Variants in MRPS24 observed in about 807,000 individuals in gnomAD.
MRPS24 encodes small ribosomal subunit protein uS3m.
Under a neutral mutation model 21.8 loss-of-function variants are expected in MRPS24, and 15 were observed. The observed-to-expected ratio is 0.69, with a 90% CI of 0.46 to 1.06. MRPS24 has a LOEUF of 1.06. Ranked by LOEUF, MRPS24 falls within the 50% of genes least tolerant of loss-of-function variation. The pLI, the probability that MRPS24 is intolerant of heterozygous loss-of-function variation, is 0.00. For synonymous variants in MRPS24, 93 were observed against 93.7 expected (o/e 0.99, Z 0.04); for missense variants, 224 against 219.1 (o/e 1.02, Z -0.14).
At chr7:43,867,064 C>A in intron 3 of MRPS24, 82 bp from the exon 4 acceptor site, 3 of 1,455,410 alleles carry the variant, frequency 2.1e-6, no homozygotes, top group South Asian at 1.3e-5. Flanking sequence ...CATCCAAAAG[C>A]GCTGAGCACA....
chr7:43,869,113 A>T lies in MRPS24; in HGVS notation c.109-39T>A. The stretch of plus-strand genomic sequence containing the variant: ...GGGCCGTGACTCCACGAGATCCCCG[A>T]TCCAGACCCCTACTTCGCGCCATGT... On this transcript the variant is annotated intron_variant, in intron 2 of 3. Coordinates refer to ENST00000317534, the MANE Select transcript of MRPS24 (RefSeq NM_032014.3). This position sits in a 1 kb window ranked among gnomAD's most constrained non-coding sequence, Gnocchi z 4.8. 1 of 1,594,760 alleles carries T rather than the reference A, an allele frequency of 6.3e-7. No homozygotes were observed. Among genetic ancestry groups the T allele is most frequent in the Non-Finnish European group, 8.5e-7 (1 of 1,174,144 alleles).
intron 3 of MRPS24, chr7:43,868,524 T>C (rs1336466275): frequency 1.3e-5 from 2 of 154,412 alleles, no homozygotes; most frequent in East Asian, 3.8e-4. Context: ...GGGTTGTCTG[T>C]ATATATTTAC....
intron 3 of MRPS24, chr7:43,867,540 T>G (rs2095837388): frequency 1.1e-5 from 1 of 93,646 alleles, no homozygotes; most frequent in Non-Finnish European, 2.2e-5. Context: ...TTTTTTTTTT[T>G]TTTTTTTGAG....
chr7:43,869,258 C>A lies in MRPS24; in HGVS notation c.108+50G>T. The A allele has an allele frequency of 6.9e-7, 1 of 1,447,066 alleles. No homozygotes were observed. 89.6% of individuals were successfully genotyped at this position (1,447,066 alleles called of 1,614,324 possible). A position where few individuals can be genotyped will look rare whatever the true frequency, so the allele number is the denominator to read the frequency against. ...TCAGCCCGCACGGCTTCCCCGGCCCCCGGCCCCCCGGCCCCCAGGCCCCCA... is the reference window on the plus strand; with the variant it reads ...TCAGCCCGCACGGCTTCCCCGGCCCACGGCCCCCCGGCCCCCAGGCCCCCA... On this transcript the variant is annotated intron_variant, in intron 2 of 3. Coordinates refer to ENST00000317534, the MANE Select transcript of MRPS24 (RefSeq NM_032014.3). The surrounding 1 kb of genome is among the most constrained non-coding windows in gnomAD (Gnocchi z 4.8).
chr7:43,866,917 T>C lies in MRPS24; in HGVS notation c.286A>G (p.Met96Val), dbSNP rs531031859. The C allele has an allele frequency of 1.2e-6, 2 of 1,614,172 alleles. No homozygotes were observed. The highest frequency in any genetic ancestry group is 1.7e-6 in the Non-Finnish European group (2 of 1,180,018). ...TVEDVFLRKF[M>V]WGTFPGCLAD... ...AGGCAGCCTGGGAAGGTACCCCACA[T>C]GAACTTGCGAAGGAAAACATCCTCC... Residue 96 changes from methionine to valine, a missense_variant, in exon 4 of 4, where the codon ATG becomes GTG. Coordinates refer to ENST00000317534, the MANE Select transcript of MRPS24 (RefSeq NM_032014.3).
Position 43,869,115 on chromosome 7 carries a change from C to T in MRPS24, c.109-41G>A. The T allele has an allele frequency of 6.3e-7, 1 of 1,592,612 alleles. No homozygotes were observed. Among genetic ancestry groups the T allele is most frequent in the Non-Finnish European group, 8.5e-7 (1 of 1,173,270 alleles). The stretch of plus-strand genomic sequence containing the variant: ...GCCGTGACTCCACGAGATCCCCGAT[C>T]CAGACCCCTACTTCGCGCCATGTCC... On this transcript the variant is annotated intron_variant, in intron 2 of 3. Coordinates refer to ENST00000317534, the MANE Select transcript of MRPS24 (RefSeq NM_032014.3). The surrounding 1 kb of genome is among the most constrained non-coding windows in gnomAD (Gnocchi z 4.8).
intron 3 of MRPS24, chr7:43,868,633 G>C (rs1007946756): frequency 7.7e-6 from 2 of 258,342 alleles, no homozygotes; most frequent in African/African-American, 4.5e-5. Context: ...CCTTGACTCT[G>C]AGCTATTTTA....
At chr7:43,868,841 G>A (rs2095838458) in intron 3 of MRPS24, 122 bp downstream of exon 3, 4 of 1,252,536 alleles carry the variant, frequency 3.2e-6, no homozygotes, top group Admixed American at 2.5e-5. Flanking sequence ...CCTTGAGTTG[G>A]TTTCATAGAT....
At chr7:43,868,823 T>TA (rs1292795877) in intron 3 of MRPS24, 140 bp downstream of exon 3, 1 of 1,105,594 alleles carries the variant, frequency 9.0e-7, no homozygotes, top group East Asian at 2.6e-5. Flanking sequence ...TCTGCTTTTT[T>TA]ATGTCTCCCT....
chr7:43,866,726 G>C lies in MRPS24; in HGVS notation c.477C>G (p.Pro159=). The C allele has an allele frequency of 2.5e-6, 4 of 1,614,204 alleles. No homozygotes were observed. Among genetic ancestry groups the C allele is most frequent in the Non-Finnish European group, 2.5e-6 (3 of 1,180,044 alleles). The change falls in exon 4 of 4, where the codon CCC becomes CCG. Residue 159 remains proline, a synonymous_variant. Transcript: ENST00000317534. ...AGAGGTACTTATACACAACCTTTGA[G>C]GGCACAGTTTGGAGGTGGAGTCGCA... ...CPVRLHLQTV[P]SKVVYKYL is the part of the protein sequence containing the mutation.
chr7:43,869,194 G>A lies in MRPS24; in HGVS notation c.108+114C>T, dbSNP rs1369313539. Reference sequence around the variant, plus strand: ...CCCAATCCCCTGATCCCTAAGCCCCGACCCTAGCCCCGCCTCGGACCCCAG... The same window carrying A: ...CCCAATCCCCTGATCCCTAAGCCCCAACCCTAGCCCCGCCTCGGACCCCAG... On this transcript the variant is annotated intron_variant, in intron 2 of 3. Coordinates refer to ENST00000317534, the MANE Select transcript of MRPS24 (RefSeq NM_032014.3). The surrounding 1 kb of genome is among the most constrained non-coding windows in gnomAD (Gnocchi z 4.8). The A allele has an allele frequency of 6.9e-7, 1 of 1,451,396 alleles. No individual in the cohort carries two copies. The highest frequency in any genetic ancestry group is 2.5e-5 in the East Asian group (1 of 39,454). 89.9% of individuals were successfully genotyped at this position (1,451,396 alleles called of 1,614,324 possible).
intron 3 of MRPS24, chr7:43,867,788 C>T (rs1190941673): frequency 6.6e-6 from 1 of 152,150 alleles, no homozygotes; most frequent in African/African-American, 2.4e-5. Context: ...CTCGGCCTCC[C>T]AAAGTGCTGG....
rs745510056 is a variant in MRPS24 at position 43,866,691 on chromosome 7, G to A, written c.*8C>T. 4.3e-5 allele frequency: 70 copies of A among 1,611,404 alleles called. No homozygotes were observed. In the Middle Eastern group the frequency reaches 1.2e-3, roughly 27 times the overall value. On this transcript the variant is annotated 3_prime_UTR_variant, in exon 4 of 4. Coordinates refer to ENST00000317534, the MANE Select transcript of MRPS24 (RefSeq NM_032014.3). ...AGGCTACAGCTTGATGGAAAAAAGGGGATTGTTCTAGAGGTACTTATACAC... is the reference window on the plus strand; with the variant it reads ...AGGCTACAGCTTGATGGAAAAAAGGAGATTGTTCTAGAGGTACTTATACAC...
At position 43,869,215 on chromosome 7, in the gene MRPS24, C is replaced by T. The variant is rs968288161; in HGVS notation, c.108+93G>A. ...CCCCGACCCTAGCCCCGCCTCGGAC[C>T]CCAGCGACACGCCCCCTTCAGCCCG... On this transcript the variant is annotated intron_variant, in intron 2 of 3. Coordinates refer to ENST00000317534, the MANE Select transcript of MRPS24 (RefSeq NM_032014.3). This position sits in a 1 kb window ranked among gnomAD's most constrained non-coding sequence, Gnocchi z 4.8. 1.4e-6 allele frequency: 2 copies of T among 1,471,876 alleles called. No homozygotes were observed. Among genetic ancestry groups the T allele is most frequent in the Non-Finnish European group, 1.8e-6 (2 of 1,116,872 alleles). 91.2% of individuals were successfully genotyped at this position (1,471,876 alleles called of 1,614,324 possible). A position where few individuals can be genotyped will look rare whatever the true frequency, so the allele number is the denominator to read the frequency against.
intron 3 of MRPS24, chr7:43,867,847 A>G (rs778912267): frequency 6.6e-6 from 1 of 152,116 alleles, no homozygotes; most frequent in Non-Finnish European, 1.5e-5. Flanking sequence ...TATTTTAAGT[A>G]AGTTCTCTAG....
intron 3 of MRPS24, among the ~76,000 whole-genome samples, chr7:43,867,277 GC>G (rs2095837128): frequency 6.6e-6 from 1 of 152,176 alleles, no homozygotes; most frequent in South Asian, 2.1e-4. Flanking sequence ...ACCACATCTA[GC>G]CCCTTTCCTG....
At chr7:43,867,039 T>A in intron 3 of MRPS24, 57 bp from the exon 4 acceptor site, 1 of 1,574,792 alleles carries the variant, frequency 6.4e-7, no homozygotes. Context: ...GGCCCTGCCA[T>A]AACTCCAGAG....
At chr7:43,868,070 GT>G (rs2095837784) in intron 3 of MRPS24, 1 of 152,196 alleles carries the variant, frequency 6.6e-6, no homozygotes, top group African/African-American at 2.4e-5. Context: ...TTTCCTTTGT[GT>G]TTCTGTTTAA....
Position 43,869,014 on chromosome 7 carries a change from G to T in MRPS24, c.169C>A (p.His57Asn), listed in dbSNP as rs1425131040. The T allele has an allele frequency of 6.2e-7, 1 of 1,614,060 alleles. No homozygotes were observed. Among genetic ancestry groups the T allele is most frequent in the South Asian group, 1.1e-5 (1 of 91,082 alleles). ...CGGTGGGCGATGTAGTGCGGCGCGT[G>T]TGCCTCCTCGTAGGTCACCGGCTTG... ...GDKPVTYEEA[H>N]APHYIAHRKG... The change falls in exon 3 of 4, where the codon CAC (histidine) becomes AAC (asparagine). Residue 57 changes from histidine (H) to asparagine (N), a missense_variant. By Grantham distance (68) the His-to-Asn change is moderately conservative. Transcript: ENST00000317534. This position sits in a 1 kb window ranked among gnomAD's most constrained non-coding sequence, Gnocchi z 4.8.
Sources: allele counts gnomAD v4.1 joint callset (sites outside exome capture counted in the v4.1 genomes callset), GRCh38; gene constraint gnomAD v4.1.1; non-coding constraint Gnocchi (gnomAD v3.1); transcripts MANE v1.5; gene names NCBI Gene and HGNC (gene_info 2026-07-23, HGNC 2026-07-21).